Variants in KCNK17 observed in about 807,000 individuals in gnomAD.
The protein encoded by KCNK17 is potassium channel subfamily K member 17.
A neutral mutation model predicts 24.6 loss-of-function variants in KCNK17; 27 were observed. That is an observed-to-expected ratio of 1.10 (90% CI 0.81 to 1.51). The LOEUF is 1.51. KCNK17 is among the 40% of genes most tolerant of loss of function. The pLI is 0.00. For synonymous variants in KCNK17, 181 were observed against 189.8 expected (o/e 0.95, Z 0.38); for missense variants, 450 against 436.6 (o/e 1.03, Z -0.27).
intron 2 of KCNK17, 39 bp from the exon 3 acceptor site, chr6:39,304,694 C>T (rs753579956): frequency 6.3e-7 from 1 of 1,591,732 alleles, no homozygotes; most frequent in Non-Finnish European, 8.6e-7. Flanking sequence ...ATTTCCAGCC[C>T]AGCCCTGTCC....
At chr6:39,307,960 A>G (rs1045698176) in intron 2 of KCNK17, among the ~76,000 whole-genome samples, 1 of 152,162 alleles carries the variant, frequency 6.6e-6, no homozygotes, top group East Asian at 1.9e-4. Flanking sequence ...CTCCTCAGAT[A>G]TCATCAGTTT....
intron 1 of KCNK17, among the ~76,000 whole-genome samples, chr6:39,312,887 G>A (rs1443510626): frequency 1.3e-5 from 2 of 152,182 alleles, no homozygotes; most frequent in African/African-American, 4.8e-5. Context: ...GTCCTTAGTA[G>A]AGATAGGCCT....
chr6:39,305,998 A>G (rs142148420), intron 2 of KCNK17, among the ~76,000 whole-genome samples: 66 of 151,308 alleles, frequency 4.4e-4, no homozygotes, highest in African/African-American at 1.6e-3. Context: ...GCCTCTTCCA[A>G]GTATATCAAG....
chr6:39,299,182 G>T lies in KCNK17; in HGVS notation c.*245C>A. 1 of 503,948 alleles carries T rather than the reference G, an allele frequency of 2.0e-6. No individual in the cohort carries two copies. The highest frequency in any genetic ancestry group is 3.7e-5 in the Admixed American group (1 of 27,182). The allele number at this position is 503,948 out of a possible 1,614,324, so 31.2% of individuals were successfully genotyped here. Reference sequence around the variant, plus strand: ...GCCAGAGCTCCCAGCCATCATATCGGCGGCATTGCAGCCCGCTAAAGTAAG... The same window carrying T: ...GCCAGAGCTCCCAGCCATCATATCGTCGGCATTGCAGCCCGCTAAAGTAAG... On this transcript the variant is annotated 3_prime_UTR_variant, in exon 5 of 5. Coordinates refer to ENST00000373231, the MANE Select transcript of KCNK17 (RefSeq NM_031460.4).
chr6:39,306,815 A>G (rs1186666392), intron 2 of KCNK17, among the ~76,000 whole-genome samples: 1 of 138,686 alleles, frequency 7.2e-6, no homozygotes, highest in Non-Finnish European at 1.5e-5. Context: ...GCCAGGCTGG[A>G]GTGCAGTGGC....
At chr6:39,312,309 TG>T (rs1762153904) in intron 1 of KCNK17, among the ~76,000 whole-genome samples, 2 of 151,528 alleles carry the variant, frequency 1.3e-5, no homozygotes, top group South Asian at 4.2e-4. Flanking sequence ...CAGAAAGATC[TG>T]GGCTGGATAC....
At chr6:39,311,647 T>C (rs1363361385) in intron 1 of KCNK17, among the ~76,000 whole-genome samples, 1 of 152,216 alleles carries the variant, frequency 6.6e-6, no homozygotes, top group Non-Finnish European at 1.5e-5. Context: ...AGTTGCTATA[T>C]TGCCTATATG....
At chr6:39,305,537 CT>C (rs1762021026) in intron 2 of KCNK17, among the ~76,000 whole-genome samples, 2 of 152,060 alleles carry the variant, frequency 1.3e-5, no homozygotes, top group African/African-American at 4.8e-5. Context: ...AGAGGGGAAG[CT>C]AGGGGAGGAA....
intron 4 of KCNK17, among the ~76,000 whole-genome samples, chr6:39,301,546 C>T (rs749895261): frequency 7.2e-5 from 11 of 152,242 alleles, no homozygotes; most frequent in East Asian, 3.9e-4. Flanking sequence ...GGCACTGAGC[C>T]GGCTCTCTGG....
rs9471059 is a variant in KCNK17, at chr6:39,305,957, C to A, written c.353-1302G>T. The stretch of plus-strand genomic sequence containing the variant: ...GGGCCCCCTCCAGCACTCTCCCTTG[C>A]ACTGTGTGAGAAAGATTTGTTTCCA... On this transcript the variant is annotated intron_variant, in intron 2 of 4. Transcript: ENST00000373231. Among the ~76,000 whole-genome samples, 487 of 152,304 alleles carry A rather than the reference C, an allele frequency of 3.2e-3. 6 individuals carry two copies. Among genetic ancestry groups the A allele is most frequent in the African/African-American group, 0.011 (457 of 41,562 alleles).
intron 3 of KCNK17, 104 bp from the exon 4 acceptor site, chr6:39,304,235 C>A (rs959368327): frequency 8.9e-7 from 1 of 1,122,930 alleles, no homozygotes; most frequent in Non-Finnish European, 1.3e-6. Flanking sequence ...AAGAAGGGGG[C>A]TCTTCACCTG....
At chr6:39,301,567 C>T (rs570133482) in intron 4 of KCNK17, among the ~76,000 whole-genome samples, 110 of 152,376 alleles carry the variant, frequency 7.2e-4, no homozygotes, top group African/African-American at 2.3e-3. Flanking sequence ...CCCTGCCACC[C>T]GCCAGCTTGG....
Position 39,308,921 on chromosome 6 carries a change from C to T in KCNK17, c.352+1972G>A, listed in dbSNP as rs150462551. Among the ~76,000 whole-genome samples the T allele has an allele frequency of 4.1e-3, 626 of 152,326 alleles. 1 individual carries two copies. The highest frequency in any genetic ancestry group is 0.014 in the Middle Eastern group (4 of 294). On this transcript the variant is annotated intron_variant, in intron 2 of 4. Transcript: ENST00000373231. ...ACAGGTGTGGTCAGCATCACAGAAC[C>T]CTCACTCCCCTCCTGTTCACTCCAC...
intron 2 of KCNK17, among the ~76,000 whole-genome samples, chr6:39,309,874 G>C (rs1344351278): frequency 1.3e-5 from 2 of 152,204 alleles, no homozygotes; most frequent in African/African-American, 4.8e-5. Flanking sequence ...CAGGGGCTCA[G>C]GGCCGCTGGA....
At chr6:39,308,246 A>G (rs534903671) in intron 2 of KCNK17, among the ~76,000 whole-genome samples, 3 of 152,314 alleles carry the variant, frequency 2.0e-5, no homozygotes, top group South Asian at 4.1e-4. Context: ...CACACTAGGT[A>G]CATATGTATG....
intron 1 of KCNK17, among the ~76,000 whole-genome samples, chr6:39,312,825 C>T (rs114277826): frequency 1.3e-5 from 2 of 152,102 alleles, no homozygotes; most frequent in Non-Finnish European, 2.9e-5. Flanking sequence ...ACCCAGCAGT[C>T]GGGCTGTATT....
intron 2 of KCNK17, among the ~76,000 whole-genome samples, chr6:39,307,350 T>A (rs866429317): frequency 6.6e-6 from 1 of 152,082 alleles, no homozygotes. Flanking sequence ...CCCATCTACC[T>A]CCCCCTCTGG....
intron 2 of KCNK17, among the ~76,000 whole-genome samples, chr6:39,305,898 T>C (rs1295452189): frequency 1.3e-5 from 2 of 152,146 alleles, no homozygotes; most frequent in African/African-American, 2.4e-5. Flanking sequence ...ACCCTTCCAG[T>C]CCTCGACTCT....
rs950949329 is a variant in KCNK17, at chr6:39,299,496, C to T, written c.930G>A (p.Glu310=). 2.5e-6 allele frequency: 4 copies of T among 1,614,102 alleles called. No homozygotes were observed. The highest frequency in any genetic ancestry group is 3.4e-6 in the Non-Finnish European group (4 of 1,180,050). The change falls in exon 5 of 5, where the codon GAG becomes GAA. Residue 310 remains glutamate (E), a synonymous_variant. Transcript: ENST00000373231. ...SHSPQQGCYP[E]GPMGIIQHLE... The stretch of plus-strand genomic sequence containing the variant: ...GATGCTGTATGATTCCCATGGGTCC[C>T]TCTGGATAGCATCCTTGCTGTGGGG...
Sources: gnomAD v4.1 joint callset for allele counts (sites outside exome capture counted in the v4.1 genomes callset) on GRCh38, gnomAD v4.1.1 for gene constraint, MANE v1.5 for transcripts, NCBI Gene and HGNC (gene_info 2026-07-23, HGNC 2026-07-21) for gene names.